CLASP2: variants seen among roughly 807,000 people sequenced by gnomAD.
The protein encoded by CLASP2 is cytoplasmic linker associated protein 2.
Under a neutral mutation model 194.4 loss-of-function variants are expected in CLASP2, and 47 were observed. The observed-to-expected ratio is 0.24, with a 90% CI of 0.19 to 0.31. CLASP2 has a LOEUF of 0.31. Among genes scored for constraint, CLASP2 ranks in the 10% least tolerant of loss-of-function variants. The pLI is 1.00. For missense variants in CLASP2, 1,445 were observed against 1,823.6 expected (o/e 0.79, Z 3.78); for synonymous variants, 619 against 633.5 (o/e 0.98, Z 0.34).
At chr3:33,629,936 T>C (rs1033722516) in intron 9 of CLASP2, among the ~76,000 whole-genome samples, 1 of 152,070 alleles carries the variant, frequency 6.6e-6, no homozygotes, top group African/African-American at 2.4e-5. Flanking sequence ...GATGATTAAT[T>C]CAGAGTGAGT....
chr3:33,601,747 T>G (rs2072268327), intron 18 of CLASP2, among the ~76,000 whole-genome samples: 3 of 152,194 alleles, frequency 2.0e-5, no homozygotes, highest in Admixed American at 1.3e-4. Flanking sequence ...CTAACTTAAT[T>G]TTATACCAGA....
intron 30 of CLASP2, among the ~76,000 whole-genome samples, chr3:33,548,750 T>A (rs1380377401): frequency 6.6e-6 from 1 of 150,714 alleles, no homozygotes; most frequent in East Asian, 1.9e-4. Flanking sequence ...AGGTAACGAC[T>A]ACGGTTTCAT....
intron 21 of CLASP2, among the ~76,000 whole-genome samples, chr3:33,587,287 A>G (rs1345691815): frequency 6.6e-6 from 1 of 151,852 alleles, no homozygotes; most frequent in Non-Finnish European, 1.5e-5. Flanking sequence ...CACCACGCCC[A>G]GCTAATTTTT....
At chr3:33,688,206 C>A in intron 4 of CLASP2, 71 bp downstream of exon 4, 1 of 1,177,084 alleles carries the variant, frequency 8.5e-7, no homozygotes, top group Non-Finnish European at 1.2e-6. Context: ...CTTTCCTTGA[C>A]TTTGTGAACT....
intron 7 of CLASP2, among the ~76,000 whole-genome samples, chr3:33,656,041 CT>C (rs1559547132): frequency 6.6e-6 from 1 of 152,166 alleles, no homozygotes; most frequent in African/African-American, 2.4e-5. Flanking sequence ...TTAACTCTAT[CT>C]GGTTTGATTG....
Position 33,517,088 on chromosome 3 carries a change from C to A in CLASP2, c.3874G>T (p.Ala1292Ser). 6.2e-7 allele frequency: 1 copy of A among 1,613,600 alleles called. No homozygotes were observed. Among genetic ancestry groups the A allele is most frequent in the East Asian group, 2.2e-5 (1 of 44,802 alleles). ...HNERVEERKI[A>S]LYELMKLTQE... ...GTCAGTTTCATAAGTTCATAGAGGG[C>A]AATTTTTCTTTCTTCTACACGCTCA... The change falls in exon 35 of 39, where the codon GCC becomes TCC. Residue 1292 changes from alanine to serine, a missense_variant. By Grantham distance (99) the Ala-to-Ser change is moderately conservative (BLOSUM62 1). Around this residue, in one of 4 missense-constraint regions of CLASP2, gnomAD observed 732 missense variants for 987.9 expected, o/e 0.74. Coordinates refer to ENST00000682230, the MANE Select transcript of CLASP2 (RefSeq NM_001365631.1).
intron 13 of CLASP2, among the ~76,000 whole-genome samples, chr3:33,609,958 A>T (rs563785254): frequency 6.0e-4 from 91 of 152,274 alleles, no homozygotes; most frequent in Non-Finnish European, 1.1e-3. Context: ...TGGCATTCTG[A>T]CTCCAGAACT....
At chr3:33,501,534 G>A (rs572230548) in intron 38 of CLASP2, 118 bp downstream of exon 38, 3 of 614,606 alleles carry the variant, frequency 4.9e-6, no homozygotes, top group East Asian at 2.8e-5. Flanking sequence ...GGGCAAGTTG[G>A]ATGCTCAAAG....
At chr3:33,616,628 A>G (rs2076212077) in intron 12 of CLASP2, among the ~76,000 whole-genome samples, 1 of 151,662 alleles carries the variant, frequency 6.6e-6, no homozygotes, top group African/African-American at 2.4e-5. Context: ...AATCTAATAT[A>G]CTATATCCAT....
chr3:33,673,489 T>C (rs2087825170), intron 6 of CLASP2, among the ~76,000 whole-genome samples: 1 of 152,030 alleles, frequency 6.6e-6, no homozygotes, highest in Admixed American at 6.5e-5. Context: ...TGCAAAATCA[T>C]GCCAAAATGT....
rs551622519 is a variant in CLASP2, at chr3:33,497,536, T to C, written c.*1095A>G. ...ATAGGCAGCAGCTCAGTTAAAAGTATTAGCCCTGAAGAGGTAGAGAATTTG... is the reference window on the plus strand; with the variant it reads ...ATAGGCAGCAGCTCAGTTAAAAGTACTAGCCCTGAAGAGGTAGAGAATTTG... On this transcript the variant is annotated 3_prime_UTR_variant, in exon 39 of 39. Transcript: ENST00000682230. 1.2e-4 allele frequency: 18 copies of C among 152,740 alleles called. No individual in the cohort carries two copies. The highest frequency in any genetic ancestry group is 4.1e-4 in the African/African-American group (17 of 41,582). The allele number at this position is 152,740 out of a possible 1,614,324, so 9.5% of individuals were successfully genotyped here. A position where few individuals can be genotyped will look rare whatever the true frequency, so the allele number is the denominator to read the frequency against.
At chr3:33,632,242 T>C (rs762115271) in intron 9 of CLASP2, 50 bp downstream of exon 9, 1 of 1,138,428 alleles carries the variant, frequency 8.8e-7, no homozygotes, top group East Asian at 2.7e-5. Context: ...AATAATTATA[T>C]GAACAGGCAC....
chr3:33,592,884 A>G (rs966580988), intron 20 of CLASP2, among the ~76,000 whole-genome samples: 5 of 152,212 alleles, frequency 3.3e-5, no homozygotes, highest in Non-Finnish European at 1.5e-5. Flanking sequence ...TATAAGCCTA[A>G]GCTTGGAAAC....
intron 2 of CLASP2, among the ~76,000 whole-genome samples, chr3:33,691,471 C>A (rs1312647301): frequency 6.6e-6 from 1 of 151,994 alleles, no homozygotes; most frequent in Non-Finnish European, 1.5e-5. Flanking sequence ...AGGCAACATG[C>A]CAAATGGAAA....
Position 33,576,110 on chromosome 3 carries a change from C to G in CLASP2, c.2454+59G>C, listed in dbSNP as rs1303664827. On this transcript the variant is annotated intron_variant, in intron 24 of 38. Transcript: ENST00000682230. ...TTTCCCACATGGATAGACTGGCCTACTCATTCAACAGTTTCGTAATTGGAA... is the reference window on the plus strand; with the variant it reads ...TTTCCCACATGGATAGACTGGCCTAGTCATTCAACAGTTTCGTAATTGGAA... 8 of 1,331,354 alleles carry G rather than the reference C, an allele frequency of 6.0e-6. No homozygotes were observed. In the East Asian group the frequency reaches 1.6e-4, roughly 27 times the overall value. 82.5% of individuals were successfully genotyped at this position (1,331,354 alleles called of 1,614,324 possible). A position where few individuals can be genotyped will look rare whatever the true frequency, so the allele number is the denominator to read the frequency against.
At chr3:33,611,039 T>A (rs2075076774) in intron 13 of CLASP2, among the ~76,000 whole-genome samples, 1 of 152,160 alleles carries the variant, frequency 6.6e-6, no homozygotes. Context: ...GTCATTTGTG[T>A]TACAACACAC....
rs781615494 is a variant in CLASP2, at chr3:33,644,769, G to A, written c.850C>T (p.Pro284Ser). The A allele has an allele frequency of 1.2e-6, 2 of 1,613,198 alleles. No homozygotes were observed. The highest frequency in any genetic ancestry group is 1.1e-5 in the South Asian group (1 of 90,952). Residue 284 changes from proline (P) to serine (S), a missense_variant, in exon 8 of 39, where the codon CCT becomes TCT. Around this residue, in one of 4 missense-constraint regions of CLASP2, gnomAD observed 207 missense variants for 331.4 expected, o/e 0.62. Transcript: ENST00000682230. ...GGATTTACATTACCTCCAACCTTAG[G>A]GCCACCTGCTGAACCAGGCTTCCTT... is the stretch of plus-strand genomic sequence containing the variant. ...SARKPGSAGG[P>S]KVGGASKEGG...
intron 30 of CLASP2, among the ~76,000 whole-genome samples, chr3:33,546,505 T>C (rs185114571): frequency 2.0e-5 from 3 of 152,330 alleles, no homozygotes; most frequent in Admixed American, 1.3e-4. Flanking sequence ...AATACATACA[T>C]ACAGATTTTA....
intron 23 of CLASP2, 57 bp downstream of exon 23, chr3:33,581,764 C>T: frequency 8.4e-7 from 1 of 1,185,594 alleles, no homozygotes; most frequent in Non-Finnish European, 1.2e-6. Flanking sequence ...CTGAAGTTAA[C>T]AGATAGTGAT....
Sources: allele counts gnomAD v4.1 joint callset (sites outside exome capture counted in the v4.1 genomes callset), GRCh38; gene constraint gnomAD v4.1.1; regional missense constraint gnomAD v4.1.1; transcripts MANE v1.5; gene names NCBI Gene and HGNC (gene_info 2026-07-23, HGNC 2026-07-21).